Variants in INPP4B observed in about 807,000 individuals in gnomAD.
INPP4B encodes inositol polyphosphate 4-phosphatase type II.
In INPP4B, 55 loss-of-function variants were observed where a neutral mutation model predicts 122.5. The observed-to-expected ratio is 0.45, with a 90% confidence interval of 0.36 to 0.56. The LOEUF (loss-of-function observed/expected upper bound fraction) is 0.56, where lower values mean the gene tolerates loss of function less well. INPP4B is among the 20% of genes least tolerant of loss of function. The probability of loss-of-function intolerance (pLI) is 0.00; values close to 1 mark genes in which losing one functional copy is unlikely to be tolerated. For synonymous variants in INPP4B, 403 were observed against 388.7 expected, an observed-to-expected ratio of 1.04 and a Z score of -0.43; for missense variants, 1,000 against 1,097.7, an observed-to-expected ratio of 0.91 and a Z score of 1.26.
At chr4:142,435,356 C>G (rs1415172029) in intron 3 of INPP4B, among the ~76,000 whole-genome samples, 1 of 151,940 alleles carries the variant, frequency 6.6e-6, no homozygotes, top group South Asian at 2.1e-4. Context: ...AAGAATGAAA[C>G]TTGCCATTCC....
chr4:142,509,310 T>G (rs907657470), intron 2 of INPP4B, among the ~76,000 whole-genome samples: 1 of 152,194 alleles, frequency 6.6e-6, no homozygotes, highest in African/African-American at 2.4e-5. Flanking sequence ...ACATGTGCTA[T>G]GGTGGTTTGC....
intron 15 of INPP4B, among the ~76,000 whole-genome samples, chr4:142,187,314 A>C (rs1833581186): frequency 6.6e-6 from 1 of 152,108 alleles, no homozygotes; most frequent in African/African-American, 2.4e-5. Flanking sequence ...TCTGAAAAGA[A>C]AAAAATAAAG....
chr4:142,677,036 A>G lies in INPP4B; in HGVS notation c.-191+48803T>C, dbSNP rs146940143. Among the ~76,000 whole-genome samples the G allele has an allele frequency of 3.5e-3, 540 of 152,280 alleles. 2 individuals carry two copies. The highest frequency in any genetic ancestry group is 0.012 in the African/African-American group (501 of 41,562). On this transcript the variant is annotated intron_variant, in intron 2 of 25. Coordinates refer to ENST00000262992, the MANE Select transcript of INPP4B (RefSeq NM_001101669.3). ...GAGCTTCTGCACAGCAAAAGAAACT[A>G]TCATCAGAGTGAACATGCAATCTAC...
chr4:142,338,034 A>G (rs1156953130), intron 7 of INPP4B, among the ~76,000 whole-genome samples: 2 of 152,048 alleles, frequency 1.3e-5, no homozygotes, highest in African/African-American at 4.8e-5. Flanking sequence ...CAGCACTTAC[A>G]TATCTGATTT....
At chr4:142,607,272 T>C (rs960911955) in intron 2 of INPP4B, among the ~76,000 whole-genome samples, 1 of 152,048 alleles carries the variant, frequency 6.6e-6, no homozygotes, top group African/African-American at 2.4e-5. Flanking sequence ...GGAAAGCAGA[T>C]AAGATTTTAT....
chr4:142,147,834 C>T (rs1811609748), intron 17 of INPP4B, among the ~76,000 whole-genome samples: 1 of 152,128 alleles, frequency 6.6e-6, no homozygotes. Flanking sequence ...ATCCATAGAT[C>T]ACATCATCAT....
At chr4:142,730,779 T>C (rs935196689) in intron 1 of INPP4B, among the ~76,000 whole-genome samples, 1 of 152,304 alleles carries the variant, frequency 6.6e-6, no homozygotes, top group African/African-American at 2.4e-5. Flanking sequence ...TTTCCTTTTG[T>C]GCTAAACTCA....
chr4:142,423,195 T>C (rs749418141), intron 5 of INPP4B, among the ~76,000 whole-genome samples: 15 of 152,240 alleles, frequency 9.9e-5, no homozygotes, highest in Non-Finnish European at 1.8e-4. Flanking sequence ...GGGCCTCTTA[T>C]GATTTTTCCT....
intron 25 of INPP4B, among the ~76,000 whole-genome samples, chr4:142,043,980 G>C (rs1180710890): frequency 6.6e-6 from 1 of 152,148 alleles, no homozygotes; most frequent in Non-Finnish European, 1.5e-5. Context: ...GAAATAGTGA[G>C]AGCTTGAACT....
chr4:142,820,395 TACC>T, intron 1 of INPP4B, among the ~76,000 whole-genome samples: 1 of 152,070 alleles, frequency 6.6e-6, no homozygotes, highest in African/African-American at 2.4e-5. Flanking sequence ...CTTCCCCTCT[TACC>T]ATGTGATCTC....
At chr4:142,307,881 A>G (rs1764036565) in intron 8 of INPP4B, among the ~76,000 whole-genome samples, 1 of 152,202 alleles carries the variant, frequency 6.6e-6, no homozygotes, top group Admixed American at 6.5e-5. Context: ...AAAGCTGGCT[A>G]CACATGTCAT....
intron 7 of INPP4B, among the ~76,000 whole-genome samples, chr4:142,332,340 A>C (rs1285716114): frequency 6.6e-6 from 1 of 152,152 alleles, no homozygotes; most frequent in African/African-American, 2.4e-5. Flanking sequence ...ACAGCTAGAC[A>C]TTTAGTACAG....
chr4:142,190,776 T>C (rs1835466849), intron 15 of INPP4B, among the ~76,000 whole-genome samples: 1 of 151,092 alleles, frequency 6.6e-6, no homozygotes, highest in Admixed American at 6.6e-5. Flanking sequence ...AACATCCCAG[T>C]GAAAAGTGAA....
intron 2 of INPP4B, among the ~76,000 whole-genome samples, chr4:142,558,418 G>C (rs1729673927): frequency 6.7e-6 from 1 of 150,258 alleles, no homozygotes; most frequent in Admixed American, 6.6e-5. Flanking sequence ...GGTTTTGGCA[G>C]CAAAAAAAAA....
intron 9 of INPP4B, among the ~76,000 whole-genome samples, chr4:142,297,181 A>C (rs554232161): frequency 8.5e-5 from 13 of 152,328 alleles, no homozygotes; most frequent in African/African-American, 3.1e-4. Context: ...TGCCTGATTC[A>C]ACCAAATTGC....
chr4:142,493,654 T>C (rs1404024340), intron 2 of INPP4B, among the ~76,000 whole-genome samples: 1 of 152,198 alleles, frequency 6.6e-6, no homozygotes, highest in African/African-American at 2.4e-5. Context: ...AGGTCTGTAT[T>C]TACTCAATGC....
chr4:142,578,189 A>T (rs750551507), intron 2 of INPP4B, among the ~76,000 whole-genome samples: 2 of 151,986 alleles, frequency 1.3e-5, no homozygotes, highest in Non-Finnish European at 2.9e-5. Context: ...TCAGGCTGAG[A>T]TTGGCTGATG....
chr4:142,166,127 C>A (rs1228539871), intron 16 of INPP4B, among the ~76,000 whole-genome samples: 1 of 151,624 alleles, frequency 6.6e-6, no homozygotes, highest in Non-Finnish European at 1.5e-5. Flanking sequence ...TTAACATATG[C>A]ATATTTTATA....
At chr4:142,343,118 G>T (rs1471665458) in intron 7 of INPP4B, among the ~76,000 whole-genome samples, 1 of 152,062 alleles carries the variant, frequency 6.6e-6, no homozygotes, top group Non-Finnish European at 1.5e-5. Flanking sequence ...TTCAGTATAA[G>T]AATCATCATC....
Sources: gnomAD v4.1 joint callset for allele counts (sites outside exome capture counted in the v4.1 genomes callset) on GRCh38, gnomAD v4.1.1 for gene constraint, MANE v1.5 for transcripts, NCBI Gene and HGNC (gene_info 2026-07-23, HGNC 2026-07-21) for gene names.